Variants in KIT observed in about 807,000 individuals in gnomAD.
The protein encoded by KIT is KIT proto-oncogene, receptor tyrosine kinase.
In KIT, 16 loss-of-function variants were observed where a neutral mutation model predicts 105.7. The ratio of observed to expected loss-of-function variants is 0.15; its 90% confidence interval spans 0.10 to 0.23. The LOEUF (loss-of-function observed/expected upper bound fraction) is 0.23, where lower values mean the gene tolerates loss of function less well. Ranked by LOEUF, KIT falls within the 10% of genes least tolerant of loss-of-function variation. KIT has a pLI of 1.00. For missense variants in KIT, 858 were observed against 1,213.8 expected (o/e 0.71, Z 4.36); for synonymous variants, 438 against 441.1 (o/e 0.99, Z 0.09).
chr4:54,699,803 CTG>C (rs1484733200), intron 4 of KIT, 37 bp downstream of exon 4: 1 of 1,612,056 alleles, frequency 6.2e-7, no homozygotes, highest in East Asian at 2.2e-5. Flanking sequence ...TGTTCTGTCT[CTG>C]TGGGAGATGA....
chr4:54,691,733 G>T (rs537823900), intron 1 of KIT, among the ~76,000 whole-genome samples: 6 of 152,162 alleles, frequency 3.9e-5, no homozygotes, highest in South Asian at 4.2e-4. Flanking sequence ...TTTGAGGGAG[G>T]ATGAGTTGGG....
intron 9 of KIT, 82 bp from the exon 10 acceptor site, chr4:54,727,135 TG>T: frequency 9.0e-7 from 1 of 1,110,186 alleles, no homozygotes; most frequent in Non-Finnish European, 1.4e-6. Context: ...AGTTGGGAGG[TG>T]GGGTCAGTTT....
intron 9 of KIT, among the ~76,000 whole-genome samples, chr4:54,726,527 T>A (rs1477839758): frequency 1.3e-5 from 2 of 152,246 alleles, no homozygotes; most frequent in African/African-American, 4.8e-5. Context: ...TTGATTCATG[T>A]GTGACTAACT....
At chr4:54,736,279 A>G (rs1389873000) in intron 17 of KIT, among the ~76,000 whole-genome samples, 1 of 152,190 alleles carries the variant, frequency 6.6e-6, no homozygotes, top group Non-Finnish European at 1.5e-5. Context: ...GTACTGACAT[A>G]GTGCTCACAT....
intron 1 of KIT, among the ~76,000 whole-genome samples, chr4:54,682,516 C>T (rs1719012369): frequency 6.6e-6 from 1 of 151,956 alleles, no homozygotes; most frequent in Admixed American, 6.6e-5. Flanking sequence ...GTAACCTCCA[C>T]CTCCCAGGTT....
At chr4:54,667,119 AG>A (rs1717757794) in intron 1 of KIT, among the ~76,000 whole-genome samples, 1 of 152,130 alleles carries the variant, frequency 6.6e-6, no homozygotes. Context: ...GTAAGCATGA[AG>A]GACGGCTCCC....
intron 1 of KIT, among the ~76,000 whole-genome samples, chr4:54,673,215 A>G (rs1718237735): frequency 6.6e-6 from 1 of 152,126 alleles, no homozygotes; most frequent in Non-Finnish European, 1.5e-5. Context: ...TTCCTCTCCA[A>G]TAAAGATTTC....
intron 1 of KIT, among the ~76,000 whole-genome samples, chr4:54,678,302 T>TTCCC (rs1245254491): frequency 3.7e-5 from 2 of 54,776 alleles, no homozygotes; most frequent in Non-Finnish European, 6.8e-5. Context: ...CCTTCCTTCC[T>TTCCC]TCCTTCCTTC....
intron 1 of KIT, among the ~76,000 whole-genome samples, chr4:54,693,878 T>C (rs1348769848): frequency 2.0e-5 from 3 of 152,280 alleles, no homozygotes; most frequent in African/African-American, 7.2e-5. Flanking sequence ...CCCGCTGATA[T>C]GGCCTTCCTC....
rs2109795011 is a variant in KIT, at chr4:54,731,888, G to A, written c.2251G>A (p.Asp751Asn). 1 of 1,613,590 alleles carries A rather than the reference G, an allele frequency of 6.2e-7. No homozygotes were observed. Among genetic ancestry groups the A allele is most frequent in the Non-Finnish European group, 8.5e-7 (1 of 1,179,640 alleles). Residue 751 changes from aspartate (D) to asparagine (N), a missense_variant, in exon 16 of 21, where the codon GAT (aspartate) becomes AAT (asparagine). This residue lies in a region of KIT where 158 missense variants were observed against 218.7 expected (regional missense o/e 0.72). Transcript: ENST00000288135. ...CCTCACAGGCTCATACATAGAAAGA[G>A]ATGTGACTCCCGCCATCATGGAGGA... ...SVRIGSYIER[D>N]VTPAIMEDDE...
At chr4:54,734,477 G>A (rs1560423120) in intron 17 of KIT, among the ~76,000 whole-genome samples, 3 of 152,194 alleles carry the variant, frequency 2.0e-5, no homozygotes, top group East Asian at 1.9e-4. Flanking sequence ...CTAAATAATC[G>A]TGACGGTGGT....
intron 1 of KIT, among the ~76,000 whole-genome samples, chr4:54,666,031 A>G (rs900088850): frequency 9.2e-5 from 14 of 152,144 alleles, no homozygotes; most frequent in Non-Finnish European, 1.5e-5. Flanking sequence ...TGTTTTTCTC[A>G]GAATAAAATG....
chr4:54,719,103 A>T (rs1432936061), intron 7 of KIT, among the ~76,000 whole-genome samples: 1 of 152,154 alleles, frequency 6.6e-6, no homozygotes, highest in Non-Finnish European at 1.5e-5. Context: ...ATCCCTCTTC[A>T]TTTAGTCTTT....
intron 4 of KIT, among the ~76,000 whole-genome samples, chr4:54,703,469 A>C (rs892111671): frequency 1.3e-5 from 2 of 152,182 alleles, no homozygotes; most frequent in African/African-American, 4.8e-5. Flanking sequence ...GGAATTATAC[A>C]TACTAGGGTT....
rs2109796090 is a variant in KIT at position 54,731,989 on chromosome 4, C to T, written c.2352C>T (p.Ala784=). Residue 784 remains alanine (A), a synonymous_variant, in exon 16 of 21, where the codon GCC becomes GCT. Transcript: ENST00000288135. ...YQVAKGMAFL[A]SKNCIHRDLA... is the part of the protein sequence containing the mutation. ...TGGCAAAGGGCATGGCTTTCCTCGC[C>T]TCCAAGAATGTAAGTGGGAGTGATT... 6.2e-7 allele frequency: 1 copy of T among 1,613,070 alleles called. No individual in the cohort carries two copies. Among genetic ancestry groups the T allele is most frequent in the Non-Finnish European group, 8.5e-7 (1 of 1,179,648 alleles).
At chr4:54,704,646 A>C (rs539732259) in intron 5 of KIT, among the ~76,000 whole-genome samples, 60 of 152,180 alleles carry the variant, frequency 3.9e-4, no homozygotes, top group Non-Finnish European at 7.2e-4. Context: ...TGATTTACTG[A>C]GAATAATAAT....
chr4:54,734,205 G>C (rs1378990605), intron 17 of KIT, among the ~76,000 whole-genome samples: 1 of 152,166 alleles, frequency 6.6e-6, no homozygotes, highest in East Asian at 1.9e-4. Context: ...TAATTATCCA[G>C]TCCTCTGAAT....
At chr4:54,714,113 A>C (rs1219701437) in intron 7 of KIT, among the ~76,000 whole-genome samples, 1 of 152,240 alleles carries the variant, frequency 6.6e-6, no homozygotes, top group African/African-American at 2.4e-5. Flanking sequence ...GTGTATGGAC[A>C]TCAAATTCTT....
intron 20 of KIT, 29 bp from the exon 21 acceptor site, chr4:54,738,400 T>A (rs1184793928): frequency 3.1e-6 from 5 of 1,613,608 alleles, no homozygotes; most frequent in Non-Finnish European, 4.2e-6. Flanking sequence ...TAGGGACTGC[T>A]GTATTGACTA....
Sources: gnomAD v4.1 joint callset for allele counts (sites outside exome capture counted in the v4.1 genomes callset) on GRCh38, gnomAD v4.1.1 for gene constraint, gnomAD v4.1.1 regional missense constraint, MANE v1.5 for transcripts, NCBI Gene and HGNC (gene_info 2026-07-23, HGNC 2026-07-21) for gene names.